PDS5A: variants seen among roughly 807,000 people sequenced by gnomAD.
PDS5A encodes PDS5 cohesin associated factor A, also known as sister chromatid cohesion protein PDS5 homolog A.
PDS5A carries 42 observed loss-of-function variants against 167.1 expected under a neutral mutation model. The observed-to-expected ratio is 0.25, with a 90% CI of 0.20 to 0.33. The LOEUF (loss-of-function observed/expected upper bound fraction) is 0.33, where lower values mean the gene tolerates loss of function less well. Ranked by LOEUF, PDS5A falls within the 10% of genes least tolerant of loss-of-function variation. PDS5A has a pLI of 1.00. For missense variants in PDS5A, 1,033 were observed against 1,605.9 expected, an observed-to-expected ratio of 0.64 and a Z score of 6.10; for synonymous variants, 553 against 554.6, an observed-to-expected ratio of 1.00 and a Z score of 0.04.
intron 5 of PDS5A, among the ~76,000 whole-genome samples, chr4:39,925,419 G>C (rs962446780): frequency 6.6e-6 from 1 of 152,138 alleles, no homozygotes; most frequent in Non-Finnish European, 1.5e-5. Flanking sequence ...ACGTCTCCCA[G>C]AACTAATGGT....
At chr4:39,876,519 CT>C (rs1316202393) in intron 19 of PDS5A, among the ~76,000 whole-genome samples, 3 of 152,156 alleles carry the variant, frequency 2.0e-5, no homozygotes, top group African/African-American at 7.2e-5. Flanking sequence ...CAAAAGATGT[CT>C]TCTGCATATT....
At chr4:39,840,200 C>T (rs1026408760) in intron 31 of PDS5A, among the ~76,000 whole-genome samples, 11 of 152,102 alleles carry the variant, frequency 7.2e-5, no homozygotes, top group Non-Finnish European at 1.3e-4. Context: ...AGTGGCAGAG[C>T]CAAGAGGCAA....
chr4:39,956,721 G>A (rs1728957507), intron 2 of PDS5A, among the ~76,000 whole-genome samples: 2 of 151,264 alleles, frequency 1.3e-5, no homozygotes, highest in South Asian at 2.1e-4. Flanking sequence ...CACCCAGGCT[G>A]GAGTGCTGCG....
Position 39,890,262 on chromosome 4 carries a change from A to G in PDS5A, c.1873T>C (p.Ser625Pro). The change falls in exon 17 of 33, where the codon TCA (serine) becomes CCA (proline). Residue 625 changes from serine to proline, a missense_variant. Coordinates refer to ENST00000303538, the MANE Select transcript of PDS5A (RefSeq NM_001100399.2). ...TTCTTGGCTTACCTTATGGCTTCTG[A>G]ATCAATGTGCACAGGTGCGATTCTT... ...LERIAPVHID[S>P]EAISALVKLM... 1 of 1,537,756 alleles carries G rather than the reference A, an allele frequency of 6.5e-7. No homozygotes were observed. Among genetic ancestry groups the G allele is most frequent in the Non-Finnish European group, 8.9e-7 (1 of 1,127,514 alleles).
intron 7 of PDS5A, among the ~76,000 whole-genome samples, chr4:39,918,132 A>C (rs1365871352): frequency 1.3e-5 from 2 of 148,430 alleles, no homozygotes; most frequent in East Asian, 4.0e-4. Flanking sequence ...GTGAGTTGTG[A>C]TCACACCATT....
intron 2 of PDS5A, among the ~76,000 whole-genome samples, chr4:39,971,274 G>C (rs1473740706): frequency 6.6e-6 from 1 of 151,916 alleles, no homozygotes; most frequent in Non-Finnish European, 1.5e-5. Flanking sequence ...TTCTGCCTCA[G>C]CCTTCCAAGT....
At chr4:39,951,420 A>C (rs1390080246) in intron 2 of PDS5A, among the ~76,000 whole-genome samples, 1 of 152,186 alleles carries the variant, frequency 6.6e-6, no homozygotes, top group East Asian at 1.9e-4. Context: ...GCAGTTTTCC[A>C]ATGAGAGACA....
intron 17 of PDS5A, among the ~76,000 whole-genome samples, chr4:39,887,538 G>A (rs1721581319): frequency 6.6e-6 from 1 of 151,986 alleles, no homozygotes. Flanking sequence ...TTGTATCTAT[G>A]TTCATCAGTG....
chr4:39,917,207 A>G lies in PDS5A; in HGVS notation c.736-19T>C. On this transcript the variant is annotated intron_variant, in intron 7 of 32. Transcript: ENST00000303538. ...TGAAAAACTGTAAGAGATATTAAAAACAAAAAGAAAACATCCAGTTCATTT... is the reference window on the plus strand; with the variant it reads ...TGAAAAACTGTAAGAGATATTAAAAGCAAAAAGAAAACATCCAGTTCATTT... 1 of 1,505,464 alleles carries G rather than the reference A, an allele frequency of 6.6e-7. No individual in the cohort carries two copies. Among genetic ancestry groups the G allele is most frequent in the Non-Finnish European group, 8.9e-7 (1 of 1,126,446 alleles). The allele number at this position is 1,505,464 out of a possible 1,614,324, so 93.3% of individuals were successfully genotyped here. A position where few individuals can be genotyped will look rare whatever the true frequency, so the allele number is the denominator to read the frequency against.
chr4:39,971,777 T>A (rs546003817), intron 2 of PDS5A, among the ~76,000 whole-genome samples: 1 of 152,270 alleles, frequency 6.6e-6, no homozygotes, highest in East Asian at 1.9e-4. Flanking sequence ...CTCTTTGTGT[T>A]TGTACAGCAT....
chr4:39,951,135 C>G (rs982247732), intron 2 of PDS5A, among the ~76,000 whole-genome samples: 2 of 152,160 alleles, frequency 1.3e-5, no homozygotes, highest in Non-Finnish European at 2.9e-5. Context: ...TCATGTGACC[C>G]TCATGCCTCA....
Position 39,829,846 on chromosome 4 carries a change from A to C in PDS5A, c.4011-4358T>G, listed in dbSNP as rs1183786916. Among the ~76,000 whole-genome samples the C allele has an allele frequency of 2.1e-5, 3 of 144,668 alleles. No homozygotes were observed. The South Asian group carries it at 6.8e-4, about 33-fold the overall frequency. 94.9% of individuals were successfully genotyped at this position (144,668 alleles called of 152,430 possible). On this transcript the variant is annotated intron_variant, in intron 32 of 32. Transcript: ENST00000303538. ...GGTGCCTGTGGTCCCAGCTACTCAG[A>C]AGGCTGAGGCAGGAGAATGGCGTGA... is the stretch of plus-strand genomic sequence containing the variant.
At chr4:39,904,495 C>T (rs1412104425) in intron 11 of PDS5A, among the ~76,000 whole-genome samples, 2 of 152,122 alleles carry the variant, frequency 1.3e-5, no homozygotes, top group East Asian at 1.9e-4. Context: ...CCCGCACGCC[C>T]GGCTAATTTT....
At position 39,874,266 on chromosome 4, in the gene PDS5A, C is replaced by T. The variant is rs999877410; in HGVS notation, c.2277+23G>A. On this transcript the variant is annotated intron_variant, in intron 20 of 32. Transcript: ENST00000303538. ...CTTAAAAAATAAAGACCAATATAAACACAACCTATATATTAGATATACCTC... is the reference window on the plus strand; with the variant it reads ...CTTAAAAAATAAAGACCAATATAAATACAACCTATATATTAGATATACCTC... The T allele has an allele frequency of 1.4e-5, 23 of 1,588,862 alleles. No homozygotes were observed. The Admixed American group carries it at 3.4e-4, about 23-fold the overall frequency.
At chr4:39,940,736 T>C (rs928288306) in intron 2 of PDS5A, among the ~76,000 whole-genome samples, 11 of 152,260 alleles carry the variant, frequency 7.2e-5, no homozygotes, top group Middle Eastern at 3.2e-3. Context: ...CACTGCAGCC[T>C]CCACCTCCAG....
rs565475523 is a variant in PDS5A, at chr4:39,860,155, C to A, written c.3086+2064G>T. Among the ~76,000 whole-genome samples the A allele has an allele frequency of 1.4e-4, 22 of 152,124 alleles. No individual in the cohort carries two copies. The South Asian group carries it at 3.7e-3, about 26-fold the overall frequency. On this transcript the variant is annotated intron_variant, in intron 26 of 32. Coordinates refer to ENST00000303538, the MANE Select transcript of PDS5A (RefSeq NM_001100399.2). ...AGCAATCTCACTGCTGGATATATATCCAAAATAAAGGAATTCAGTACATCT... is the reference window on the plus strand; with the variant it reads ...AGCAATCTCACTGCTGGATATATATACAAAATAAAGGAATTCAGTACATCT...
chr4:39,923,642 C>CACACACAAACACACAA (rs1560487382), intron 5 of PDS5A, among the ~76,000 whole-genome samples: 3 of 148,026 alleles, frequency 2.0e-5, no homozygotes, highest in Admixed American at 6.7e-5. Flanking sequence ...TCTCAAAACA[C>CACACACAAACACACAA]ACACACACAC....
rs1027162253 is a variant in PDS5A at position 39,841,869 on chromosome 4, G to A, written c.3657+79C>T. 3 of 746,450 alleles carry A rather than the reference G, an allele frequency of 4.0e-6. No individual in the cohort carries two copies. In the African/African-American group the frequency reaches 5.2e-5, roughly 13 times the overall value. The allele number at this position is 746,450 out of a possible 1,614,324, so 46.2% of individuals were successfully genotyped here. On this transcript the variant is annotated intron_variant, in intron 31 of 32. Transcript: ENST00000303538. Reference sequence around the variant, plus strand: ...ATGTAGCATGTGCATTGAAGTGTTGGCTGTAGATTTCTTATCCCTACGGAA... The same window carrying A: ...ATGTAGCATGTGCATTGAAGTGTTGACTGTAGATTTCTTATCCCTACGGAA...
At chr4:39,833,319 G>A (rs865879509) in intron 32 of PDS5A, among the ~76,000 whole-genome samples, 7 of 151,756 alleles carry the variant, frequency 4.6e-5, no homozygotes, top group African/African-American at 1.5e-4. Context: ...GAAGAATGGC[G>A]AAATCACTGA....
Sources: gnomAD v4.1 joint callset for allele counts (sites outside exome capture counted in the v4.1 genomes callset) on GRCh38, gnomAD v4.1.1 for gene constraint, MANE v1.5 for transcripts, NCBI Gene and HGNC (gene_info 2026-07-23, HGNC 2026-07-21) for gene names.